The following SPATA31H1 variants were observed in gnomAD, a reference collection of about 807,000 sequenced individuals.
SPATA31H1 encodes the protein SPATA31 subfamily H member 1.
At chr2:27,544,550 T>TC in the SPATA31H1 span, among the ~76,000 whole-genome samples, 138 of 150,882 alleles carry the variant, frequency 9.1e-4, 2 homozygotes, top group East Asian at 0.023. Flanking sequence ...TTTTTTTTTT[T>TC]CTGAGACGGA....
the SPATA31H1 span, chr2:27,572,677 A>C: frequency 2.5e-6 from 1 of 398,204 alleles, no homozygotes; most frequent in Non-Finnish European, 4.4e-6. Context: ...AAATCTGTGC[A>C]GTGGATACCA....
the SPATA31H1 span, chr2:27,573,597 G>C: frequency 2.5e-6 from 1 of 398,322 alleles, no homozygotes; most frequent in Non-Finnish European, 4.4e-6. Flanking sequence ...GAAATCATGT[G>C]GCCCAATTTC....
chr2:27,562,510 C>CA, the SPATA31H1 span, among the ~76,000 whole-genome samples: 2,438 of 97,532 alleles, frequency 0.025, 46 homozygotes, highest in African/African-American at 0.069. Flanking sequence ...GACCTTGTCT[C>CA]AAAAAAAAAA....
the SPATA31H1 span, among the ~76,000 whole-genome samples, chr2:27,539,101 C>CTTT: frequency 1.6e-3 from 149 of 94,534 alleles, no homozygotes; most frequent in African/African-American, 5.9e-3. Context: ...TCATCATTTT[C>CTTT]TTTTTTTTTT....
At chr2:27,569,892 C>A in the SPATA31H1 span, 1 of 398,742 alleles carries the variant, frequency 2.5e-6, no homozygotes, top group Non-Finnish European at 4.4e-6. Context: ...ACCACTTCTT[C>A]AAGGCGAAAA....
chr2:27,563,559 C>G, the SPATA31H1 span, among the ~76,000 whole-genome samples: 2 of 149,340 alleles, frequency 1.3e-5, no homozygotes, highest in Non-Finnish European at 3.0e-5. Flanking sequence ...CCACACCCAG[C>G]TAATTTTTTT....
the SPATA31H1 span, among the ~76,000 whole-genome samples, chr2:27,556,078 G>A: frequency 6.8e-6 from 1 of 147,086 alleles, no homozygotes; most frequent in East Asian, 2.0e-4. Flanking sequence ...GTTGCAGTGA[G>A]CCGAGATCGC....
chr2:27,573,188 C>T, the SPATA31H1 span: 1 of 398,414 alleles, frequency 2.5e-6, no homozygotes, highest in Non-Finnish European at 4.4e-6. Context: ...TGGAGTTTAA[C>T]TTTGGGCCAC....
chr2:27,537,609 G>A, the SPATA31H1 span: 31 of 708,952 alleles, frequency 4.4e-5, no homozygotes, highest in East Asian at 5.9e-4. Flanking sequence ...AACTGGTCCC[G>A]CTCCTGAGGC....
chr2:27,556,854 CCTT>C, the SPATA31H1 span, among the ~76,000 whole-genome samples: 6 of 106,310 alleles, frequency 5.6e-5, no homozygotes, highest in Non-Finnish European at 1.1e-4. Flanking sequence ...GACCCTGCGG[CCTT>C]GGCCTTCCGC....
At chr2:27,538,764 G>A in the SPATA31H1 span, among the ~76,000 whole-genome samples, 29 of 152,074 alleles carry the variant, frequency 1.9e-4, no homozygotes, top group Non-Finnish European at 4.0e-4. Flanking sequence ...CTGGGAGGCA[G>A]AGGTTGCAGT....
At chr2:27,573,843 A>T in the SPATA31H1 span, 3 of 398,326 alleles carry the variant, frequency 7.5e-6, no homozygotes, top group African/African-American at 2.1e-5. Flanking sequence ...AAGTGATAAA[A>T]CTGTAGCGCT....
chr2:27,576,744 C>T, the SPATA31H1 span: 1 of 1,614,034 alleles, frequency 6.2e-7, no homozygotes, highest in South Asian at 1.1e-5. Context: ...ATCACAGCAA[C>T]AGGATGTGAA....
chr2:27,547,009 A>G, the SPATA31H1 span, among the ~76,000 whole-genome samples: 154 of 151,992 alleles, frequency 1.0e-3, 1 homozygote, highest in African/African-American at 3.6e-3. Context: ...ATTGAATTTT[A>G]TTGGTGACCT....
the SPATA31H1 span, chr2:27,582,366 A>G: frequency 6.2e-7 from 1 of 1,614,214 alleles, no homozygotes; most frequent in African/African-American, 1.3e-5. Context: ...CTCTGAGAGG[A>G]GCCGACGCAG....
At chr2:27,540,145 A>G in the SPATA31H1 span, among the ~76,000 whole-genome samples, 1,520 of 44,238 alleles carry the variant, frequency 0.034, no homozygotes, top group African/African-American at 0.069. Flanking sequence ...CGGGGGGCTG[A>G]CCCCCCCACC....
At chr2:27,563,463 A>G in the SPATA31H1 span, among the ~76,000 whole-genome samples, 2 of 130,170 alleles carry the variant, frequency 1.5e-5, no homozygotes. Context: ...TGGAAGGATC[A>G]CATCTCACTG....
the SPATA31H1 span, among the ~76,000 whole-genome samples, chr2:27,538,905 CCT>C: frequency 3.3e-5 from 5 of 151,848 alleles, no homozygotes; most frequent in Non-Finnish European, 4.4e-5. Flanking sequence ...CATTTCCACT[CCT>C]CTGTGCACTA....
the SPATA31H1 span, chr2:27,579,094 A>C: frequency 6.2e-7 from 1 of 1,614,218 alleles, no homozygotes; most frequent in Non-Finnish European, 8.5e-7. Flanking sequence ...CTTCAGAGAC[A>C]TCTACCACAA....
Sources: gnomAD v4.1 joint callset for allele counts (sites outside exome capture counted in the v4.1 genomes callset) on GRCh38, gnomAD v4.1.1 for gene constraint, MANE v1.5 for transcripts, NCBI Gene and HGNC (gene_info 2026-07-23, HGNC 2026-07-21) for gene names.